The following SRRM4 variants were observed in gnomAD, a reference collection of about 807,000 sequenced individuals.
The protein encoded by SRRM4 is serine/arginine repetitive matrix 4.
A neutral mutation model predicts 68.9 loss-of-function variants in SRRM4; 33 were observed. The ratio of observed to expected loss-of-function variants is 0.48; its 90% CI spans 0.36 to 0.64. The LOEUF (loss-of-function observed/expected upper bound fraction) is 0.64, where lower values mean the gene tolerates loss of function less well. Among genes scored for constraint, SRRM4 ranks in the 30% least tolerant of loss-of-function variants. SRRM4 has a pLI of 0.00. For synonymous variants in SRRM4, 318 were observed against 318.8 expected, an observed-to-expected ratio of 1.00 and a Z score of 0.03; for missense variants, 817 against 827.1, an observed-to-expected ratio of 0.99 and a Z score of 0.15.
intron 8 of SRRM4, among the ~76,000 whole-genome samples, chr12:119,138,457 C>G (rs1209129380): frequency 6.6e-6 from 1 of 152,084 alleles, no homozygotes; most frequent in Non-Finnish European, 1.5e-5. Flanking sequence ...ATTTTCTCTG[C>G]CTGTTTGGCA....
chr12:119,043,869 G>GT (rs778758300), intron 1 of SRRM4, among the ~76,000 whole-genome samples: 4 of 151,130 alleles, frequency 2.6e-5, no homozygotes, highest in South Asian at 4.2e-4. Context: ...CTGGACTTTT[G>GT]TTTTTTGTTT....
intron 1 of SRRM4, chr12:119,036,842 A>T (rs1176354994): frequency 6.6e-6 from 1 of 152,372 alleles, no homozygotes; most frequent in African/African-American, 2.4e-5. Flanking sequence ...TGCTCAAGCC[A>T]GCTGTGTGCA....
intron 1 of SRRM4, among the ~76,000 whole-genome samples, chr12:118,987,759 GT>G (rs1565883896): frequency 6.6e-6 from 1 of 152,168 alleles, no homozygotes; most frequent in Admixed American, 6.5e-5. Context: ...TAAATGATAG[GT>G]TTTTTCGTTA....
chr12:119,096,317 G>A (rs1954044516), intron 1 of SRRM4, among the ~76,000 whole-genome samples: 1 of 151,882 alleles, frequency 6.6e-6, no homozygotes, highest in Non-Finnish European at 1.5e-5. Flanking sequence ...ACAGGTGTGA[G>A]CCACCACGCC....
intron 11 of SRRM4, 22 bp downstream of exon 11, chr12:119,153,671 C>T: frequency 6.6e-7 from 1 of 1,519,886 alleles, no homozygotes; most frequent in Non-Finnish European, 8.9e-7. Flanking sequence ...GCCCCTCAAA[C>T]TAGGCCCGTC....
intron 1 of SRRM4, among the ~76,000 whole-genome samples, chr12:119,002,089 C>T (rs996613646): frequency 6.6e-6 from 1 of 151,940 alleles, no homozygotes; most frequent in Non-Finnish European, 1.5e-5. Flanking sequence ...ACCCATTAGA[C>T]CACACTGCCT....
At chr12:119,090,276 C>G (rs77008267) in intron 1 of SRRM4, among the ~76,000 whole-genome samples, 59 of 152,128 alleles carry the variant, frequency 3.9e-4, no homozygotes, top group African/African-American at 1.4e-3. Flanking sequence ...GGGTCTATGT[C>G]TTAGATGGAA....
At chr12:119,060,603 G>T (rs1335269825) in intron 1 of SRRM4, among the ~76,000 whole-genome samples, 2 of 151,692 alleles carry the variant, frequency 1.3e-5, no homozygotes, top group Non-Finnish European at 2.9e-5. Context: ...TGTATTATCT[G>T]TAATTTCTTT....
chr12:119,005,812 G>A (rs1460827858), intron 1 of SRRM4, among the ~76,000 whole-genome samples: 2 of 152,182 alleles, frequency 1.3e-5, no homozygotes, highest in East Asian at 3.9e-4. Flanking sequence ...GTCTCGGGAT[G>A]GGAAATGGGG....
At chr12:119,140,508 A>T (rs1592914336) in intron 8 of SRRM4, among the ~76,000 whole-genome samples, 1 of 151,894 alleles carries the variant, frequency 6.6e-6, no homozygotes, top group Non-Finnish European at 1.5e-5. Context: ...ACTTCCCACT[A>T]CCCTTCCCAG....
At chr12:119,077,461 A>C (rs2136029601) in intron 1 of SRRM4, among the ~76,000 whole-genome samples, 1 of 152,214 alleles carries the variant, frequency 6.6e-6, no homozygotes, top group Non-Finnish European at 1.5e-5. Context: ...CAATCATCTC[A>C]TCTGTAAGGT....
At chr12:119,085,430 C>T (rs1953974434) in intron 1 of SRRM4, among the ~76,000 whole-genome samples, 3 of 152,194 alleles carry the variant, frequency 2.0e-5, no homozygotes, top group Admixed American at 1.3e-4. Context: ...CAGGCCATGC[C>T]CTTGAGTTTC....
At chr12:119,031,852 A>G (rs1366327977) in intron 1 of SRRM4, among the ~76,000 whole-genome samples, 5 of 152,140 alleles carry the variant, frequency 3.3e-5, no homozygotes, top group African/African-American at 1.2e-4. Flanking sequence ...TTTGTCTTTA[A>G]TGCATATCTT....
Position 118,981,636 on chromosome 12 carries a change from C to G in SRRM4, c.-247C>G. The G allele has an allele frequency of 2.1e-6, 1 of 471,478 alleles. No individual in the cohort carries two copies. The highest frequency in any genetic ancestry group is 3.8e-6 in the Non-Finnish European group (1 of 266,430). The allele number at this position is 471,478 out of a possible 1,614,324, so 29.2% of individuals were successfully genotyped here. Reference sequence around the variant, plus strand: ...CCCTTCTTGGGGCGCAGAGGCTCAGCCAGCTCAGAGCGCAGCCTGGAGCCG... The same window carrying G: ...CCCTTCTTGGGGCGCAGAGGCTCAGGCAGCTCAGAGCGCAGCCTGGAGCCG... On this transcript the variant is annotated 5_prime_UTR_variant, in exon 1 of 13. Transcript: ENST00000267260.
chr12:119,025,007 A>G (rs2136003354), intron 1 of SRRM4, among the ~76,000 whole-genome samples: 1 of 152,286 alleles, frequency 6.6e-6, no homozygotes. Flanking sequence ...TATGTGGGGA[A>G]GCACTCAAGT....
chr12:118,993,022 A>G (rs911372167), intron 1 of SRRM4, among the ~76,000 whole-genome samples: 9 of 152,192 alleles, frequency 5.9e-5, no homozygotes, highest in African/African-American at 2.2e-4. Flanking sequence ...ATGATATATC[A>G]TTACTATCGT....
At chr12:119,046,771 T>C (rs1953710370) in intron 1 of SRRM4, among the ~76,000 whole-genome samples, 1 of 152,186 alleles carries the variant, frequency 6.6e-6, no homozygotes. Context: ...GTCTGAATTA[T>C]CTGGATACAA....
intron 2 of SRRM4, among the ~76,000 whole-genome samples, chr12:119,104,220 G>A (rs905838805): frequency 3.9e-5 from 6 of 152,054 alleles, no homozygotes; most frequent in African/African-American, 1.4e-4. Flanking sequence ...TGAGACTAGA[G>A]CAGAGGAAAT....
intron 1 of SRRM4, among the ~76,000 whole-genome samples, chr12:119,045,293 AC>A (rs1953698314): frequency 8.1e-6 from 1 of 123,618 alleles, no homozygotes. Context: ...AGGAAGACCC[AC>A]CCCCGCCCCT....
Sources: gnomAD v4.1 joint callset for allele counts (sites outside exome capture counted in the v4.1 genomes callset) on GRCh38, gnomAD v4.1.1 for gene constraint, MANE v1.5 for transcripts, NCBI Gene and HGNC (gene_info 2026-07-23, HGNC 2026-07-21) for gene names.